The following SPICE1 variants were observed in gnomAD, a reference collection of about 807,000 sequenced individuals.
SPICE1 encodes spindle and centriole associated protein 1, also known as spindle and centriole-associated protein 1.
A neutral mutation model predicts 102.7 loss-of-function variants in SPICE1; 75 were observed. The observed-to-expected ratio is 0.73, with a 90% CI of 0.61 to 0.88. SPICE1 has a LOEUF of 0.88. SPICE1 is among the 40% of genes least tolerant of loss of function. The pLI is 0.00. For missense variants in SPICE1, 979 were observed against 1,020.1 expected, an observed-to-expected ratio of 0.96 and a Z score of 0.55; for synonymous variants, 308 against 350.3, an observed-to-expected ratio of 0.88 and a Z score of 1.35.
At position 113,494,131 on chromosome 3, in the gene SPICE1, A is replaced by T. The variant is rs761588686; in HGVS notation, c.303T>A (p.Asp101Glu). ...RLSIMKEILS[D>E]QYQMQDVLEK... ...CCAACACATCTTGCATCTGGTATTG[A>T]TCAGAAAGAATCTAGACATGTGTTA... Residue 101 changes from aspartate (D) to glutamate (E), a missense_variant, in exon 5 of 18, where the codon GAT (aspartate) becomes GAA (glutamate). Physicochemically the swap from Asp to Glu is conservative, Grantham distance 45 (BLOSUM62 2). Transcript: ENST00000295872. The T allele has an allele frequency of 6.3e-7, 1 of 1,599,964 alleles. No homozygotes were observed. Among genetic ancestry groups the T allele is most frequent in the Non-Finnish European group, 8.5e-7 (1 of 1,170,798 alleles).
Position 113,514,953 on chromosome 3 carries a change from C to T in SPICE1, c.-57G>A, listed in dbSNP as rs373422312. Reference sequence around the variant, plus strand: ...GCTTCCTGAAGTAAGGATTCCCCAACCGGGCGCCTGGATCCCAGGCAACAG... The same window carrying T: ...GCTTCCTGAAGTAAGGATTCCCCAATCGGGCGCCTGGATCCCAGGCAACAG... On this transcript the variant is annotated 5_prime_UTR_variant, in exon 1 of 18. Coordinates refer to ENST00000295872, the MANE Select transcript of SPICE1 (RefSeq NM_144718.4). The T allele has an allele frequency of 2.6e-5, 25 of 946,442 alleles. No individual in the cohort carries two copies. In the East Asian group the frequency reaches 3.5e-4, roughly 13 times the overall value. 58.6% of individuals were successfully genotyped at this position (946,442 alleles called of 1,614,324 possible).
intron 3 of SPICE1, among the ~76,000 whole-genome samples, chr3:113,501,333 G>A (rs1322747946): frequency 1.3e-5 from 2 of 152,134 alleles, no homozygotes; most frequent in African/African-American, 4.8e-5. Flanking sequence ...ATAGGAGTAT[G>A]TCTTTGTGAA....
intron 7 of SPICE1, among the ~76,000 whole-genome samples, chr3:113,488,141 G>C (rs1024534133): frequency 2.6e-5 from 4 of 152,060 alleles, no homozygotes; most frequent in African/African-American, 9.7e-5. Context: ...ATCTAAATAA[G>C]GTCTATGGAT....
chr3:113,495,237 A>G (rs557563379), intron 4 of SPICE1, among the ~76,000 whole-genome samples: 2 of 152,362 alleles, frequency 1.3e-5, no homozygotes, highest in East Asian at 3.9e-4. Context: ...GTTAAAAAGT[A>G]CCTGGAAACT....
chr3:113,497,087 A>C (rs910887329), intron 4 of SPICE1, among the ~76,000 whole-genome samples: 1 of 152,216 alleles, frequency 6.6e-6, no homozygotes, highest in African/African-American at 2.4e-5. Flanking sequence ...GGGAATGGCC[A>C]TGTGATGACT....
At chr3:113,485,501 C>T (rs1360191338) in intron 7 of SPICE1, among the ~76,000 whole-genome samples, 2 of 152,110 alleles carry the variant, frequency 1.3e-5, no homozygotes, top group Non-Finnish European at 2.9e-5. Context: ...CGAAGCTCAG[C>T]AAAGCTGCTG....
chr3:113,503,949 A>G (rs553399811), intron 2 of SPICE1, among the ~76,000 whole-genome samples: 12 of 151,874 alleles, frequency 7.9e-5, no homozygotes, highest in East Asian at 3.9e-4. Context: ...AAAAAAAAAA[A>G]AAAAGAAAGT....
rs1221702372 is a variant in SPICE1, at chr3:113,499,516, C to T, written c.214G>A (p.Ala72Thr). 5 of 1,613,238 alleles carry T rather than the reference C, an allele frequency of 3.1e-6. No individual in the cohort carries two copies. Among genetic ancestry groups the T allele is most frequent in the Non-Finnish European group, 3.4e-6 (4 of 1,179,730 alleles). Residue 72 changes from alanine (A) to threonine (T), a missense_variant, in exon 4 of 18, where the codon GCT becomes ACT. Coordinates refer to ENST00000295872, the MANE Select transcript of SPICE1 (RefSeq NM_144718.4). ...TGCTTCCTCCATTTTCTCTTCAAAG[C>T]TTTTTCTTGGAGTTCCCAGTGTACT... ...ALVHWELQEK[A>T]LKRKWRKQKP...
At chr3:113,485,502 A>T (rs1936624653) in intron 7 of SPICE1, among the ~76,000 whole-genome samples, 1 of 152,146 alleles carries the variant, frequency 6.6e-6, no homozygotes, top group Non-Finnish European at 1.5e-5. Flanking sequence ...GAAGCTCAGC[A>T]AAGCTGCTGC....
At chr3:113,456,774 TCTAA>T (rs1935788523) in intron 13 of SPICE1, among the ~76,000 whole-genome samples, 1 of 152,198 alleles carries the variant, frequency 6.6e-6, no homozygotes, top group African/African-American at 2.4e-5. Flanking sequence ...CTTTCCTTAG[TCTAA>T]CTTTCATTAC....
chr3:113,454,078 T>C (rs1051828294), intron 13 of SPICE1, 128 bp from the exon 14 acceptor site: 38 of 844,290 alleles, frequency 4.5e-5, no homozygotes, highest in Non-Finnish European at 6.6e-5. Context: ...TTCTGAATGC[T>C]TAAACTATTT....
rs774984388 is a variant in SPICE1 at position 113,493,208 on chromosome 3, G to T, written c.490C>A (p.Gln164Lys). The stretch of plus-strand genomic sequence containing the variant: ...TAGCTGTGAGTGGAACACATTACCT[G>T]AGGTTCTATGACAGACTCATTAAAG... ...SIFNESVIEP[Q>K]ALNDVDGEEE... Residue 164 changes from glutamine to lysine, a missense_variant and splice_region_variant, in exon 6 of 18, where the codon CAG becomes AAG. Gln to Lys is a moderately conservative substitution (Grantham distance 53). Transcript: ENST00000295872. 1.3e-6 allele frequency: 2 copies of T among 1,591,160 alleles called. No individual in the cohort carries two copies. The highest frequency in any genetic ancestry group is 1.7e-6 in the Non-Finnish European group (2 of 1,169,402).
chr3:113,511,844 T>C (rs1937228143), intron 1 of SPICE1, among the ~76,000 whole-genome samples: 1 of 151,848 alleles, frequency 6.6e-6, no homozygotes, highest in Admixed American at 6.6e-5. Flanking sequence ...AGTATATAGC[T>C]CAAAGTTATA....
intron 7 of SPICE1, among the ~76,000 whole-genome samples, chr3:113,473,660 C>A (rs1936263266): frequency 6.6e-6 from 1 of 151,722 alleles, no homozygotes; most frequent in South Asian, 2.1e-4. Context: ...GAATTTTCAA[C>A]CCAGAATTTC....
At chr3:113,466,864 T>C (rs895010986) in intron 10 of SPICE1, among the ~76,000 whole-genome samples, 3 of 151,962 alleles carry the variant, frequency 2.0e-5, no homozygotes, top group African/African-American at 7.3e-5. Context: ...CTGGGCAACA[T>C]AGTGAGACTC....
intron 7 of SPICE1, among the ~76,000 whole-genome samples, chr3:113,484,098 G>C (rs1292670288): frequency 2.0e-5 from 3 of 152,182 alleles, no homozygotes; most frequent in Non-Finnish European, 4.4e-5. Context: ...TTCTGGTTTA[G>C]ACTTGGGAGG....
intron 15 of SPICE1, chr3:113,449,773 T>C (rs1172916053): frequency 6.5e-6 from 1 of 154,430 alleles, no homozygotes; most frequent in African/African-American, 2.4e-5. Context: ...AGCTGTCCCT[T>C]GAGGGCCTTA....
At chr3:113,484,574 T>C (rs960830803) in intron 7 of SPICE1, among the ~76,000 whole-genome samples, 1 of 152,244 alleles carries the variant, frequency 6.6e-6, no homozygotes, top group African/African-American at 2.4e-5. Context: ...TCTGGTATGT[T>C]GTGTCTTTGT....
Position 113,458,402 on chromosome 3 carries a change from C to T in SPICE1, c.1436-1045G>A, listed in dbSNP as rs540853144. The stretch of plus-strand genomic sequence containing the variant: ...TGGTTTTCGTATTTTTTGGTGGAGA[C>T]GGGGTTTCGCCGTGTTGGCCGGGCT... On this transcript the variant is annotated intron_variant, in intron 12 of 17. Coordinates refer to ENST00000295872, the MANE Select transcript of SPICE1 (RefSeq NM_144718.4). 7.4e-4 allele frequency among the ~76,000 whole-genome samples: 113 copies of T among 152,310 alleles called. 1 individual carries two copies. The highest frequency in any genetic ancestry group is 1.4e-3 in the Non-Finnish European group (93 of 68,032).
Sources: gnomAD v4.1 joint callset for allele counts (sites outside exome capture counted in the v4.1 genomes callset) on GRCh38, gnomAD v4.1.1 for gene constraint, MANE v1.5 for transcripts, NCBI Gene and HGNC (gene_info 2026-07-23, HGNC 2026-07-21) for gene names.